Variants in NRCAM observed in about 807,000 individuals in gnomAD.
NRCAM encodes the protein NgCAM-related cell adhesion molecule.
NRCAM carries 83 observed loss-of-function variants against 156.5 expected under a neutral mutation model. The ratio of observed to expected loss-of-function variants is 0.53; its 90% CI spans 0.44 to 0.64. The LOEUF is 0.64. Ranked by LOEUF, NRCAM falls within the 30% of genes least tolerant of loss-of-function variation. The pLI, the probability that NRCAM is intolerant of heterozygous loss-of-function variation, is 0.00. For missense variants in NRCAM, 1,417 were observed against 1,597.3 expected (o/e 0.89, Z 1.92); for synonymous variants, 538 against 563.9 (o/e 0.95, Z 0.65).
intron 17 of NRCAM, among the ~76,000 whole-genome samples, chr7:108,192,679 C>T (rs1027350664): frequency 1.3e-5 from 2 of 152,148 alleles, no homozygotes; most frequent in South Asian, 4.1e-4. Context: ...TGGAAAACCA[C>T]TCATTCAGTT....
At chr7:108,310,825 C>A (rs1486006980) in intron 3 of NRCAM, among the ~76,000 whole-genome samples, 1 of 152,078 alleles carries the variant, frequency 6.6e-6, no homozygotes, top group Non-Finnish European at 1.5e-5. Flanking sequence ...GACCTGACAA[C>A]TAAAAGCTCT....
In NRCAM at chr7:108,244,280, T is replaced by C. The variant is rs1301700535; in HGVS notation, c.-106-4110A>G. ...TACACTCTCCAAGCAGATAAACAAA[T>C]ATGCTGATGTGACTAGATGCCCTTT... On this transcript the variant is annotated intron_variant, in intron 3 of 32. Transcript: ENST00000379028. Among the ~76,000 whole-genome samples the C allele has an allele frequency of 3.9e-5, 6 of 151,916 alleles. No individual in the cohort carries two copies. In the East Asian group the frequency reaches 1.2e-3, roughly 29 times the overall value.
At chr7:108,168,905 C>T (rs1349629513) in intron 28 of NRCAM, among the ~76,000 whole-genome samples, 1 of 152,142 alleles carries the variant, frequency 6.6e-6, no homozygotes, top group Non-Finnish European at 1.5e-5. Flanking sequence ...CGTTTTTGAT[C>T]TGTTTTAAAA....
chr7:108,340,634 G>A (rs2099265547), intron 2 of NRCAM, among the ~76,000 whole-genome samples: 3 of 152,288 alleles, frequency 2.0e-5, no homozygotes, highest in East Asian at 1.9e-4. Context: ...GGAGATTGGT[G>A]CCGCAGACAT....
chr7:108,208,230 C>A (rs187245406), intron 12 of NRCAM, among the ~76,000 whole-genome samples: 1 of 151,816 alleles, frequency 6.6e-6, no homozygotes, highest in African/African-American at 2.4e-5. Flanking sequence ...TGCTTGAACC[C>A]GGGAGGTGGA....
chr7:108,199,143 G>A (rs1310109699), intron 13 of NRCAM, among the ~76,000 whole-genome samples: 2 of 152,088 alleles, frequency 1.3e-5, no homozygotes, highest in African/African-American at 4.8e-5. Context: ...AAGACTTTAT[G>A]TTCTTTCTAA....
At chr7:108,434,070 C>T (rs191480080) in intron 1 of NRCAM, among the ~76,000 whole-genome samples, 1 of 152,096 alleles carries the variant, frequency 6.6e-6, no homozygotes, top group Admixed American at 6.5e-5. Flanking sequence ...AGTAATTGAC[C>T]AAAGGCACTC....
At chr7:108,437,678 T>C (rs1833872358) in intron 1 of NRCAM, among the ~76,000 whole-genome samples, 1 of 152,180 alleles carries the variant, frequency 6.6e-6, no homozygotes, top group African/African-American at 2.4e-5. Context: ...ATCAAGACTA[T>C]ATCCCACTAT....
chr7:108,244,928 C>T (rs994085716), intron 3 of NRCAM, among the ~76,000 whole-genome samples: 4 of 152,104 alleles, frequency 2.6e-5, no homozygotes, highest in Non-Finnish European at 4.4e-5. Context: ...TCATAAAAAC[C>T]CCAGAAAACA....
At chr7:108,299,173 C>G (rs970178917) in intron 3 of NRCAM, among the ~76,000 whole-genome samples, 3 of 129,716 alleles carry the variant, frequency 2.3e-5, no homozygotes, top group African/African-American at 8.7e-5. Flanking sequence ...ACCCAAAACA[C>G]TGGGTGAGGA....
intron 7 of NRCAM, among the ~76,000 whole-genome samples, chr7:108,231,367 T>C (rs2094307967): frequency 1.3e-5 from 2 of 152,318 alleles, no homozygotes; most frequent in South Asian, 2.1e-4. Context: ...ATAGTATAAA[T>C]TCTCAGTCAG....
intron 2 of NRCAM, among the ~76,000 whole-genome samples, chr7:108,382,687 C>T (rs1171457154): frequency 6.6e-6 from 1 of 152,146 alleles, no homozygotes; most frequent in South Asian, 2.1e-4. Flanking sequence ...CATCTAAGTA[C>T]TAGCACTGAG....
chr7:108,156,325 T>C (rs2045463431), intron 32 of NRCAM: 2 of 984,810 alleles, frequency 2.0e-6, no homozygotes, highest in Non-Finnish European at 2.4e-6. Flanking sequence ...GGCATATGGT[T>C]TATGACCTAG....
Position 108,180,334 on chromosome 7 carries a change from T to C in NRCAM, c.2740A>G (p.Met914Val), listed in dbSNP as rs2062776385. 1.2e-6 allele frequency: 2 copies of C among 1,614,198 alleles called. No homozygotes were observed. The highest frequency in any genetic ancestry group is 1.1e-5 in the South Asian group (1 of 91,088). Residue 914 changes from methionine (M) to valine (V), a missense_variant, in exon 25 of 33, where the codon ATG (methionine) becomes GTG (valine). Met to Val is a conservative substitution (Grantham distance 21). Around this residue, in one of 2 missense-constraint regions of NRCAM, gnomAD observed 1,238 missense variants for 1,336.4 expected, o/e 0.93. Transcript: ENST00000379028. ...CTAAAGGGCTCTAGCCCCGGCAACA[T>C]GCCATGAGTCTTGCTGCCTTGGAAG... Reference protein sequence around the residue: ...LTFQGSKTHGMLPGLEPFSHY... With the variant: ...LTFQGSKTHGVLPGLEPFSHY...
In NRCAM at chr7:108,150,042, C is replaced by A. The variant is rs1401136892; in HGVS notation, c.3783G>T (p.Gly1261=). 1.2e-6 allele frequency: 2 copies of A among 1,614,064 alleles called. No homozygotes were observed. The highest frequency in any genetic ancestry group is 1.7e-6 in the Non-Finnish European group (2 of 1,179,944). Residue 1261 remains glycine (G), a synonymous_variant, in exon 33 of 33, where the codon GGG becomes GGT. Transcript: ENST00000379028. The stretch of plus-strand genomic sequence containing the variant: ...CATCCTCATTGAACTGGCCATTAAC[C>A]CCTTCTCCATAGTCAACTAGGCTGT... ...SDDSLVDYGE[G]VNGQFNEDGS...
chr7:108,374,515 T>C (rs923298827), intron 2 of NRCAM, among the ~76,000 whole-genome samples: 1 of 152,180 alleles, frequency 6.6e-6, no homozygotes, highest in African/African-American at 2.4e-5. Flanking sequence ...GCCATCTGAA[T>C]TCATTATGGA....
intron 2 of NRCAM, among the ~76,000 whole-genome samples, chr7:108,343,387 C>G (rs2099315461): frequency 6.6e-6 from 1 of 152,038 alleles, no homozygotes; most frequent in Non-Finnish European, 1.5e-5. Context: ...ATTGGCGGTA[C>G]AGAAACCTAA....
At chr7:108,323,135 G>A (rs536593243) in intron 2 of NRCAM, among the ~76,000 whole-genome samples, 13 of 152,302 alleles carry the variant, frequency 8.5e-5, no homozygotes, top group Middle Eastern at 3.4e-3. Flanking sequence ...TTAACAAAGC[G>A]AGGTCTATGC....
intron 2 of NRCAM, among the ~76,000 whole-genome samples, chr7:108,333,834 C>CA (rs1297553357): frequency 1.3e-5 from 2 of 152,144 alleles, no homozygotes; most frequent in African/African-American, 4.8e-5. Context: ...TCCTACTAGT[C>CA]ACTCATCTTT....
Sources: allele counts gnomAD v4.1 joint callset (sites outside exome capture counted in the v4.1 genomes callset), GRCh38; gene constraint gnomAD v4.1.1; regional missense constraint gnomAD v4.1.1; transcripts MANE v1.5; gene names NCBI Gene and HGNC (gene_info 2026-07-23, HGNC 2026-07-21).